The following DNAH5 variants were observed in gnomAD, a reference collection of about 807,000 sequenced individuals.
DNAH5 encodes the protein axonemal beta dynein heavy chain 5.
A neutral mutation model predicts 518.2 loss-of-function variants in DNAH5; 372 were observed. That is an observed-to-expected ratio of 0.72 (90% CI 0.66 to 0.78). DNAH5 has a LOEUF of 0.78. Ranked by LOEUF, DNAH5 falls within the 30% of genes least tolerant of loss-of-function variation. The pLI is 0.00. For synonymous variants in DNAH5, 2,039 were observed against 2,025.9 expected (o/e 1.01, Z -0.17); for missense variants, 5,523 against 5,687.0 (o/e 0.97, Z 0.93).
chr5:13,791,504 C>A (rs1425883119), intron 50 of DNAH5, among the ~76,000 whole-genome samples: 1 of 152,120 alleles, frequency 6.6e-6, no homozygotes, highest in Admixed American at 6.6e-5. Context: ...GTACGTAAAT[C>A]TTTTAGTGCA....
intron 21 of DNAH5, among the ~76,000 whole-genome samples, chr5:13,881,073 A>G (rs1388177211): frequency 1.3e-5 from 2 of 152,046 alleles, no homozygotes; most frequent in Admixed American, 1.3e-4. Flanking sequence ...ATATAATAAA[A>G]AGGGAATAAA....
chr5:13,761,946 T>C (rs190159790), intron 60 of DNAH5, among the ~76,000 whole-genome samples: 2 of 152,334 alleles, frequency 1.3e-5, no homozygotes, highest in African/African-American at 4.8e-5. Flanking sequence ...GTATGATGAT[T>C]GTTAAGTTTC....
intron 52 of DNAH5, among the ~76,000 whole-genome samples, chr5:13,783,284 C>T (rs1755470240): frequency 1.3e-5 from 2 of 152,274 alleles, no homozygotes; most frequent in East Asian, 1.9e-4. Flanking sequence ...TATAAGGCAG[C>T]AAAGGATTGT....
At chr5:13,698,259 A>G (rs948230981) in intron 78 of DNAH5, among the ~76,000 whole-genome samples, 4 of 152,234 alleles carry the variant, frequency 2.6e-5, no homozygotes, top group African/African-American at 7.2e-5. Flanking sequence ...ATTTTGTTAT[A>G]GCAACAGAAA....
intron 1 of DNAH5, among the ~76,000 whole-genome samples, chr5:13,962,111 C>G (rs886622499): frequency 3.3e-5 from 5 of 152,104 alleles, no homozygotes; most frequent in Admixed American, 3.3e-4. Flanking sequence ...AAACCATCAC[C>G]ACAATCAAGG....
At chr5:13,723,684 C>T (rs1208426290) in intron 70 of DNAH5, among the ~76,000 whole-genome samples, 1 of 152,170 alleles carries the variant, frequency 6.6e-6, no homozygotes, top group Non-Finnish European at 1.5e-5. Context: ...TTGTTAGAGA[C>T]ACTGAAATGT....
rs1246266004 is a variant in DNAH5 at position 13,798,041 on chromosome 5, C to T, written c.7888-3983G>A. Among the ~76,000 whole-genome samples the T allele has an allele frequency of 3.5e-5, 4 of 113,750 alleles. 1 individual carries two copies. The highest frequency in any genetic ancestry group is 6.7e-5 in the Non-Finnish European group (4 of 59,536). The allele number at this position is 113,750 out of a possible 152,430, so 74.6% of individuals were successfully genotyped here. A position where few individuals can be genotyped will look rare whatever the true frequency, so the allele number is the denominator to read the frequency against. On this transcript the variant is annotated intron_variant, in intron 47 of 78. Coordinates refer to ENST00000265104, the MANE Select transcript of DNAH5 (RefSeq NM_001369.3). Reference sequence around the variant, plus strand: ...CACACAGGGCGAGGAACATCACACACTGGGGCCTGTCTGGGGGTGGGGGGC... The same window carrying T: ...CACACAGGGCGAGGAACATCACACATTGGGGCCTGTCTGGGGGTGGGGGGC...
At chr5:13,967,647 T>G (rs1474245815) in intron 1 of DNAH5, among the ~76,000 whole-genome samples, 1 of 152,212 alleles carries the variant, frequency 6.6e-6, no homozygotes, top group Non-Finnish European at 1.5e-5. Flanking sequence ...GTTTGTTTGT[T>G]TTTTGCTGAC....
chr5:13,757,992 T>C (rs981176324), intron 61 of DNAH5, among the ~76,000 whole-genome samples: 1 of 152,086 alleles, frequency 6.6e-6, no homozygotes, highest in Non-Finnish European at 1.5e-5. Context: ...AATCTAGCTA[T>C]TATTTACCAA....
At chr5:13,797,852 C>T (rs778193406) in intron 47 of DNAH5, among the ~76,000 whole-genome samples, 154 of 152,276 alleles carry the variant, frequency 1.0e-3, no homozygotes, top group Non-Finnish European at 1.6e-3. Flanking sequence ...GGCACATATA[C>T]ACCATGGAAT....
chr5:13,856,236 CAGAT>C (rs1473453863), intron 30 of DNAH5, among the ~76,000 whole-genome samples: 7 of 152,080 alleles, frequency 4.6e-5, no homozygotes, highest in African/African-American at 1.7e-4. Context: ...ATCAACAAAA[CAGAT>C]AGACTGCTAG....
At chr5:13,874,899 C>A (rs1429837576) in intron 22 of DNAH5, among the ~76,000 whole-genome samples, 2 of 152,110 alleles carry the variant, frequency 1.3e-5, no homozygotes, top group Non-Finnish European at 2.9e-5. Context: ...GGTTTACATT[C>A]TAATCCAATC....
rs752325216 is a variant in DNAH5 at position 13,786,225 on chromosome 5, C to G, written c.8774G>C (p.Gly2925Ala). The G allele has an allele frequency of 1.2e-6, 2 of 1,613,888 alleles. No homozygotes were observed. The highest frequency in any genetic ancestry group is 1.3e-5 in the African/African-American group (1 of 74,900). ...QLYNESIRGA[G>A]MDMVFFADAM... ...ATCTGCAAAGAACACCATGTCCATG[C>G]CGGCGCCACGGATGCTCTCATTATA... The change falls in exon 52 of 79, where the codon GGC (glycine) becomes GCC (alanine). Residue 2925 changes from glycine to alanine, a missense_variant. By Grantham distance (60) the Gly-to-Ala change is moderately conservative. Coordinates refer to ENST00000265104, the MANE Select transcript of DNAH5 (RefSeq NM_001369.3).
At chr5:13,901,209 C>T (rs1774555535) in intron 14 of DNAH5, 43 bp downstream of exon 14, 4 of 1,594,546 alleles carry the variant, frequency 2.5e-6, no homozygotes, top group Non-Finnish European at 3.4e-6. Context: ...AGAGGGGTTC[C>T]CATGATTCCA....
At chr5:13,775,225 A>G (rs1261120575) in intron 55 of DNAH5, among the ~76,000 whole-genome samples, 2 of 151,146 alleles carry the variant, frequency 1.3e-5, no homozygotes, top group Non-Finnish European at 2.9e-5. Context: ...CAAACTTCTA[A>G]GACAAAAGGC....
chr5:13,894,659 C>G lies in DNAH5; in HGVS notation c.2422G>C (p.Ala808Pro), dbSNP rs762905281. 1.9e-6 allele frequency: 3 copies of G among 1,613,918 alleles called. No homozygotes were observed. Among genetic ancestry groups the G allele is most frequent in the Middle Eastern group, 1.6e-4 (1 of 6,062 alleles). Residue 808 changes from alanine (A) to proline (P), a missense_variant, in exon 16 of 79, where the codon GCA (alanine) becomes CCA (proline). Ala to Pro is a conservative substitution (Grantham distance 27). Transcript: ENST00000265104. ...NIEAYLENTFAKIKDLELLLD... is the reference protein window; with the variant it reads ...NIEAYLENTFPKIKDLELLLD... ...ATTCAGGCAGACTTACTGATCTTTG[C>G]AAAAGTGTTTTCTAAATAAGCCTCA...
intron 22 of DNAH5, among the ~76,000 whole-genome samples, chr5:13,872,063 G>T (rs891472826): frequency 6.6e-6 from 1 of 152,138 alleles, no homozygotes; most frequent in African/African-American, 2.4e-5. Flanking sequence ...TTGGAGCTGG[G>T]CCTTAGATCA....
intron 59 of DNAH5, among the ~76,000 whole-genome samples, chr5:13,765,334 A>G (rs1752377133): frequency 6.6e-6 from 1 of 152,232 alleles, no homozygotes. Flanking sequence ...ATTTGCAACA[A>G]TAAGAATGAA....
chr5:14,002,151 C>T (rs564553248), intron 1 of DNAH5, among the ~76,000 whole-genome samples: 2 of 89,144 alleles, frequency 2.2e-5, no homozygotes, highest in Admixed American at 2.4e-4. Context: ...CCTGCATCGG[C>T]CTCCCAAAGT....
Sources: allele counts gnomAD v4.1 joint callset (sites outside exome capture counted in the v4.1 genomes callset), GRCh38; gene constraint gnomAD v4.1.1; transcripts MANE v1.5; gene names NCBI Gene and HGNC (gene_info 2026-07-23, HGNC 2026-07-21).